Variants in ANKRD62 observed in about 807,000 individuals in gnomAD.
ANKRD62 encodes the protein ankyrin repeat domain-containing protein 62.
Under a neutral mutation model 98.8 loss-of-function variants are expected in ANKRD62, and 61 were observed. The ratio of observed to expected loss-of-function variants is 0.62; its 90% CI spans 0.50 to 0.76. The LOEUF (loss-of-function observed/expected upper bound fraction) is 0.76, where lower values mean the gene tolerates loss of function less well. Among genes scored for constraint, ANKRD62 ranks in the 30% least tolerant of loss-of-function variants. The pLI is 0.00. For missense variants in ANKRD62, 933 were observed against 1,082.9 expected, an observed-to-expected ratio of 0.86 and a Z score of 1.94; for synonymous variants, 341 against 367.9, an observed-to-expected ratio of 0.93 and a Z score of 0.84.
intron 8 of ANKRD62, among the ~76,000 whole-genome samples, chr18:12,114,614 C>T (rs541241466): frequency 1.3e-5 from 2 of 152,128 alleles, no homozygotes; most frequent in Non-Finnish European, 2.9e-5. Flanking sequence ...AATACATGTA[C>T]AGTGTTTAGA....
the ANKRD62 span, among the ~76,000 whole-genome samples, chr18:12,166,042 T>C: frequency 2.0e-5 from 3 of 152,278 alleles, no homozygotes; most frequent in Non-Finnish European, 2.9e-5. Flanking sequence ...TTGCTTCTTT[T>C]CTCGTGTTGC....
the ANKRD62 span, among the ~76,000 whole-genome samples, chr18:12,156,136 C>T: frequency 6.6e-6 from 1 of 151,790 alleles, no homozygotes; most frequent in Non-Finnish European, 1.5e-5. Context: ...TGTGACACAC[C>T]CGCCTGCTCC....
chr18:12,172,252 G>C, the ANKRD62 span, among the ~76,000 whole-genome samples: 1 of 152,174 alleles, frequency 6.6e-6, no homozygotes, highest in African/African-American at 2.4e-5. Context: ...TTCTGCTCTG[G>C]TTTCTCCCCA....
At chr18:12,162,318 T>G in the ANKRD62 span, among the ~76,000 whole-genome samples, 1 of 152,186 alleles carries the variant, frequency 6.6e-6, no homozygotes, top group Non-Finnish European at 1.5e-5. Context: ...ATATGTCTTC[T>G]TTTGAGGAAA....
chr18:12,155,869 T>C, the ANKRD62 span, among the ~76,000 whole-genome samples: 1 of 151,994 alleles, frequency 6.6e-6, no homozygotes, highest in Non-Finnish European at 1.5e-5. Flanking sequence ...AAGGGGGAAA[T>C]AGTGGGAGGA....
intron 7 of ANKRD62, among the ~76,000 whole-genome samples, chr18:12,105,136 C>T (rs919230190): frequency 2.0e-5 from 3 of 152,134 alleles, no homozygotes; most frequent in Non-Finnish European, 4.4e-5. Context: ...AGATTTGTGG[C>T]TTACCTGCTC....
chr18:12,140,499 C>T, the ANKRD62 span, among the ~76,000 whole-genome samples: 2 of 152,268 alleles, frequency 1.3e-5, no homozygotes, highest in East Asian at 1.9e-4. Context: ...TGGTCTTTGA[C>T]GATGGTGACG....
chr18:12,174,160 T>C, the ANKRD62 span, among the ~76,000 whole-genome samples: 2 of 152,216 alleles, frequency 1.3e-5, no homozygotes, highest in African/African-American at 4.8e-5. Flanking sequence ...CTTTATGTAA[T>C]CCCATATTTC....
At chr18:12,138,436 T>C in the ANKRD62 span, among the ~76,000 whole-genome samples, 1 of 152,238 alleles carries the variant, frequency 6.6e-6, no homozygotes, top group East Asian at 1.9e-4. Flanking sequence ...TCTGTTCTTT[T>C]ACATTTGCTG....
chr18:12,122,353 T>C lies in ANKRD62; in HGVS notation c.1291T>C (p.Ser431Pro). 7 of 1,535,614 alleles carry C rather than the reference T, an allele frequency of 4.6e-6. No individual in the cohort carries two copies. The highest frequency in any genetic ancestry group is 1.7e-4 in the Middle Eastern group (1 of 5,972). The change falls in exon 11 of 14, where the codon TCA becomes CCA. Residue 431 changes from serine (S) to proline (P), a missense_variant. This residue lies in a region of ANKRD62 where 549 missense variants were observed against 587.9 expected (regional missense o/e 0.93). Transcript: ENST00000587848. ...GAATGCAACAGCTGCATGTGGAAGATCAATAGAGGATCAAAAATGTTACTG... is the reference window on the plus strand; with the variant it reads ...GAATGCAACAGCTGCATGTGGAAGACCAATAGAGGATCAAAAATGTTACTG... ...SKNATAACGRSIEDQKCYCER... is the reference protein window; with the variant it reads ...SKNATAACGRPIEDQKCYCER...
chr18:12,137,656 C>T, the ANKRD62 span, among the ~76,000 whole-genome samples: 17 of 152,246 alleles, frequency 1.1e-4, no homozygotes, highest in East Asian at 1.7e-3. Flanking sequence ...TGGTAGAATT[C>T]GGCTGTGAAT....
chr18:12,127,781 G>A lies in ANKRD62; in HGVS notation c.2596G>A (p.Asp866Asn), dbSNP rs1239628275. 9 of 1,469,344 alleles carry A rather than the reference G, an allele frequency of 6.1e-6. No individual in the cohort carries two copies. Among genetic ancestry groups the A allele is most frequent in the Non-Finnish European group, 8.1e-6 (9 of 1,117,348 alleles). 91.0% of individuals were successfully genotyped at this position (1,469,344 alleles called of 1,614,324 possible). A position where few individuals can be genotyped will look rare whatever the true frequency, so the allele number is the denominator to read the frequency against. The change falls in exon 14 of 14, where the codon GAT (aspartate) becomes AAT (asparagine). Residue 866 changes from aspartate (D) to asparagine (N), a missense_variant. Asp to Asn is a conservative substitution (Grantham distance 23, BLOSUM62 1). Coordinates refer to ENST00000587848, the MANE Select transcript of ANKRD62 (RefSeq NM_001277333.2). ...GAGACAGCTTCAACGAGAAGTGGAT[G>A]ATGCCCTGAACAAACAATTGCTGTT... Reference protein sequence around the residue: ...VRRQLQREVDDALNKQLLLEA... With the variant: ...VRRQLQREVDNALNKQLLLEA...
Position 12,126,392 on chromosome 18 carries a change from C to T in ANKRD62, c.2562+9C>T. The T allele has an allele frequency of 6.7e-7, 1 of 1,497,876 alleles. No individual in the cohort carries two copies. Among genetic ancestry groups the T allele is most frequent in the Non-Finnish European group, 8.8e-7 (1 of 1,130,266 alleles). The allele number at this position is 1,497,876 out of a possible 1,614,324, so 92.8% of individuals were successfully genotyped here. A position where few individuals can be genotyped will look rare whatever the true frequency, so the allele number is the denominator to read the frequency against. On this transcript the variant is annotated intron_variant, in intron 13 of 13. Transcript: ENST00000587848. ...AGAAAGAAGAAAGAGAAGTAAGTAT[C>T]AAGAAAGATAAGTATTTTTCAAACT...
the ANKRD62 span, among the ~76,000 whole-genome samples, chr18:12,136,771 G>T: frequency 2.0e-4 from 31 of 152,142 alleles, no homozygotes; most frequent in Admixed American, 2.0e-4. Flanking sequence ...CACATCCCTT[G>T]TAAGTTGTAT....
In ANKRD62 at chr18:12,126,096, C is replaced by T; in HGVS notation, c.2275C>T (p.Gln759Ter). Residue 759 changes from glutamine to a stop codon, truncating the protein, a stop_gained, in exon 13 of 14, where the codon CAA (glutamine) becomes TAA (stop). Coordinates refer to ENST00000587848, the MANE Select transcript of ANKRD62 (RefSeq NM_001277333.2). LOFTEE classifies it high-confidence loss of function. ...CATTGAACACATGTACCAAAATGAC[C>T]AACCTATTTTGGAAAAATACGTGAG... ...EDIEHMYQND[Q>*]PILEKYVRKQ... The T allele has an allele frequency of 6.5e-7, 1 of 1,536,084 alleles. No individual in the cohort carries two copies. The highest frequency in any genetic ancestry group is 1.2e-5 in the South Asian group (1 of 84,054).
In ANKRD62 at chr18:12,122,307, T is replaced by C. The variant is rs1240066571; in HGVS notation, c.1245T>C (p.Phe415=). Residue 415 remains phenylalanine (F), a synonymous_variant, in exon 11 of 14, where the codon TTT becomes TTC. Coordinates refer to ENST00000587848, the MANE Select transcript of ANKRD62 (RefSeq NM_001277333.2). The part of the protein sequence containing the change: ...IEQSGMECKD[F]VSLSKSKNAT... ...TTTGTCTTCTCCTGGTAACAGATTT[T>C]GTTAGCCTATCGAAAAGCAAGAATG... 4.0e-5 allele frequency: 62 copies of C among 1,533,226 alleles called. No individual in the cohort carries two copies. Among genetic ancestry groups the C allele is most frequent in the Non-Finnish European group, 5.2e-5 (60 of 1,146,148 alleles). 95.0% of individuals were successfully genotyped at this position (1,533,226 alleles called of 1,614,324 possible). A position where few individuals can be genotyped will look rare whatever the true frequency, so the allele number is the denominator to read the frequency against.
chr18:12,163,727 G>A, the ANKRD62 span, among the ~76,000 whole-genome samples: 10 of 152,030 alleles, frequency 6.6e-5, no homozygotes, highest in South Asian at 1.0e-3. Context: ...AAGGGATGCT[G>A]AAGGGAACTT....
chr18:12,111,877 A>G (rs1391463021), intron 8 of ANKRD62, among the ~76,000 whole-genome samples: 2 of 152,116 alleles, frequency 1.3e-5, no homozygotes, highest in Non-Finnish European at 2.9e-5. Flanking sequence ...CTACAAGGAG[A>G]ACTACAAAAC....
At chr18:12,164,208 T>C in the ANKRD62 span, among the ~76,000 whole-genome samples, 1 of 151,894 alleles carries the variant, frequency 6.6e-6, no homozygotes, top group African/African-American at 2.4e-5. Context: ...GTAGATATTT[T>C]TTCATGATTC....
Sources: gnomAD v4.1 joint callset for allele counts (sites outside exome capture counted in the v4.1 genomes callset) on GRCh38, gnomAD v4.1.1 for gene constraint, gnomAD v4.1.1 regional missense constraint, MANE v1.5 for transcripts, NCBI Gene and HGNC (gene_info 2026-07-23, HGNC 2026-07-21) for gene names.